TVP23A: variants seen among roughly 807,000 people sequenced by gnomAD.
TVP23A encodes Golgi apparatus membrane protein TVP23 homolog A.
TVP23A carries 21 observed loss-of-function variants against 31.7 expected under a neutral mutation model. That is an observed-to-expected ratio of 0.66 (90% CI 0.47 to 0.95). TVP23A has a LOEUF of 0.95. TVP23A is among the 40% of genes least tolerant of loss of function. The pLI is 0.00. For synonymous variants in TVP23A, 104 were observed against 96.0 expected (o/e 1.08, Z -0.49); for missense variants, 279 against 255.6 (o/e 1.09, Z -0.62).
rs140533612 is a variant in TVP23A at position 10,778,140 on chromosome 16, C to T, written c.90-3044G>A. ...GTTGAAGTCAGGAATTCAAGACCAG[C>T]GTGGCCAACATGGTAAAACTCCGTC... On this transcript the variant is annotated intron_variant, in intron 2 of 7. Transcript: ENST00000299866. 5.9e-3 allele frequency among the ~76,000 whole-genome samples: 901 copies of T among 152,158 alleles called. 7 individuals carry two copies. The highest frequency in any genetic ancestry group is 9.7e-3 in the Non-Finnish European group (661 of 68,010).
downstream of TVP23A, among the ~76,000 whole-genome samples, chr16:10,757,417 T>A (rs1472054806): frequency 6.6e-6 from 1 of 152,058 alleles, no homozygotes; most frequent in Admixed American, 6.6e-5. This position sits in a 1 kb window ranked among gnomAD's most constrained non-coding sequence, Gnocchi z 4.1. Context: ...AATGTGAAAG[T>A]GTTATCAGGG....
chr16:10,768,903 CAG>C lies in TVP23A; in HGVS notation c.*197_*198del. 1 of 687,642 alleles carries C rather than the reference CAG, an allele frequency of 1.5e-6. No individual in the cohort carries two copies. The highest frequency in any genetic ancestry group is 2.6e-6 in the Non-Finnish European group (1 of 391,456). The allele number at this position is 687,642 out of a possible 1,614,324, so 42.6% of individuals were successfully genotyped here. A position where few individuals can be genotyped will look rare whatever the true frequency, so the allele number is the denominator to read the frequency against. The stretch of plus-strand genomic sequence containing the variant: ...GGTATTCCGGTCACTTTCAAAGACT[CAG>C]GGCATCACAGACACAGGTCTTTTTA... On this transcript the variant is annotated 3_prime_UTR_variant, in exon 8 of 8. Coordinates refer to ENST00000299866, the MANE Select transcript of TVP23A (RefSeq NM_001079512.4). The surrounding 1 kb of genome is among the most constrained non-coding windows in gnomAD (Gnocchi z 4.3).
intron 2 of TVP23A, among the ~76,000 whole-genome samples, chr16:10,810,660 G>C (rs1021543595): frequency 6.6e-6 from 1 of 152,120 alleles, no homozygotes; most frequent in African/African-American, 2.4e-5. Flanking sequence ...AAGAAAGGAA[G>C]AGGGAATTTC....
At chr16:10,813,999 CAAAAAA>C (rs201277067) in intron 2 of TVP23A, among the ~76,000 whole-genome samples, 302 of 49,484 alleles carry the variant, frequency 6.1e-3, no homozygotes, top group African/African-American at 0.012. Flanking sequence ...AACTCCATCT[CAAAAAA>C]AAAAAAAAAA....
chr16:10,776,280 C>T (rs1384617303), intron 2 of TVP23A, among the ~76,000 whole-genome samples: 2 of 151,930 alleles, frequency 1.3e-5, no homozygotes, highest in Non-Finnish European at 2.9e-5. Context: ...AAGGCTGAGG[C>T]AGGAGAATCA....
chr16:10,782,529 G>A lies in TVP23A; in HGVS notation c.90-7433C>T, dbSNP rs553072949. On this transcript the variant is annotated intron_variant, in intron 2 of 7. Transcript: ENST00000299866. ...TTGTTTTGTTTGTTTTTAAGACAGG[G>A]TCTCACTCTGTCTCCCAGGCTGGAG... Among the ~76,000 whole-genome samples, 247 of 152,126 alleles carry A rather than the reference G, an allele frequency of 1.6e-3. 1 individual carries two copies. Among genetic ancestry groups the A allele is most frequent in the African/African-American group, 5.8e-3 (239 of 41,476 alleles).
At position 10,818,026 on chromosome 16, in the gene TVP23A, T is replaced by C. The variant is rs2034515428; in HGVS notation, c.89+77A>G. 1.6e-6 allele frequency: 2 copies of C among 1,282,524 alleles called. No homozygotes were observed. Among genetic ancestry groups the C allele is most frequent in the African/African-American group, 1.5e-5 (1 of 67,890 alleles). 79.4% of individuals were successfully genotyped at this position (1,282,524 alleles called of 1,614,324 possible). ...TGGCACACAGTAGGTGCTCAATATA[T>C]TTTGAATGAATGAGTGAGTAAATGA... is the stretch of plus-strand genomic sequence containing the variant. On this transcript the variant is annotated intron_variant, in intron 2 of 7. Coordinates refer to ENST00000299866, the MANE Select transcript of TVP23A (RefSeq NM_001079512.4). This position sits in a 1 kb window ranked among gnomAD's most constrained non-coding sequence, Gnocchi z 4.7.
intron 2 of TVP23A, among the ~76,000 whole-genome samples, chr16:10,784,322 C>CT (rs2032607380): frequency 6.6e-6 from 1 of 150,624 alleles, no homozygotes; most frequent in South Asian, 2.1e-4. Flanking sequence ...GAGCAAGACT[C>CT]TGTCTCAAAA....
chr16:10,767,508 T>A lies in TVP23A; in HGVS notation c.*1594A>T. 1 of 435,970 alleles carries A rather than the reference T, an allele frequency of 2.3e-6. No individual in the cohort carries two copies. Among genetic ancestry groups the A allele is most frequent in the Non-Finnish European group, 4.0e-6 (1 of 248,990 alleles). 27.0% of individuals were successfully genotyped at this position (435,970 alleles called of 1,614,324 possible). A position where few individuals can be genotyped will look rare whatever the true frequency, so the allele number is the denominator to read the frequency against. ...TGCGCACACATGCAAGTGTGCACAT[T>A]TATATGCGCATAATCTTTCTGGAAA... On this transcript the variant is annotated 3_prime_UTR_variant, in exon 8 of 8. Transcript: ENST00000299866. This position sits in a 1 kb window ranked among gnomAD's most constrained non-coding sequence, Gnocchi z 4.6.
intron 2 of TVP23A, among the ~76,000 whole-genome samples, chr16:10,806,342 CAAAAAGAA>C (rs767142523): frequency 1.7e-4 from 25 of 151,436 alleles, no homozygotes; most frequent in Non-Finnish European, 2.8e-4. Context: ...GAGTCTGTCT[CAAAAAGAA>C]AAAAAGAAAA....
rs1391701073 is a variant in TVP23A, at chr16:10,779,264, G to A, written c.90-4168C>T. 6.6e-6 allele frequency among the ~76,000 whole-genome samples: 1 copy of A among 152,200 alleles called. No homozygotes were observed. Among genetic ancestry groups the A allele is most frequent in the Non-Finnish European group, 1.5e-5 (1 of 68,038 alleles). ...AAATGTTGCTTTAATCCTATTTTATGCAGGTTGCTCCATCAGCATCCTCCA... is the reference window on the plus strand; with the variant it reads ...AAATGTTGCTTTAATCCTATTTTATACAGGTTGCTCCATCAGCATCCTCCA... On this transcript the variant is annotated intron_variant, in intron 2 of 7. Transcript: ENST00000299866. The surrounding 1 kb of genome is among the most constrained non-coding windows in gnomAD (Gnocchi z 4.9).
intron 2 of TVP23A, among the ~76,000 whole-genome samples, chr16:10,806,565 A>T (rs923217946): frequency 6.6e-6 from 1 of 152,130 alleles, no homozygotes; most frequent in African/African-American, 2.4e-5. Flanking sequence ...GCAGTGGCAC[A>T]ATCTCAGCTC....
At chr16:10,805,000 T>G (rs1192634807) in intron 2 of TVP23A, among the ~76,000 whole-genome samples, 1 of 152,016 alleles carries the variant, frequency 6.6e-6, no homozygotes, top group Non-Finnish European at 1.5e-5. Flanking sequence ...GGTGTGTTCA[T>G]CTATTCTGAG....
intron 2 of TVP23A, among the ~76,000 whole-genome samples, chr16:10,808,774 C>T (rs189502651): frequency 2.1e-4 from 32 of 152,052 alleles, no homozygotes; most frequent in Middle Eastern, 3.4e-3. Context: ...AAGATCTTAT[C>T]CCCCCACAAC....
chr16:10,774,758 A>C lies in TVP23A; in HGVS notation c.234+194T>G, dbSNP rs543545339. Among the ~76,000 whole-genome samples, 12 of 152,086 alleles carry C rather than the reference A, an allele frequency of 7.9e-5. No homozygotes were observed. In the East Asian group the frequency reaches 2.1e-3, roughly 27 times the overall value. On this transcript the variant is annotated intron_variant, in intron 3 of 7. Transcript: ENST00000299866. ...CCCAAGTAGCTGGGATTACAGGCAC[A>C]CACCACCGCGCCAGGCTAATTTTTG...
chr16:10,801,270 T>A (rs2142997536), intron 2 of TVP23A, among the ~76,000 whole-genome samples: 2 of 152,260 alleles, frequency 1.3e-5, no homozygotes, highest in South Asian at 4.1e-4. Context: ...TATCCTAACA[T>A]CATTTCTGCA....
intron 2 of TVP23A, among the ~76,000 whole-genome samples, chr16:10,810,341 G>A (rs891922552): frequency 3.3e-5 from 5 of 152,022 alleles, no homozygotes; most frequent in Non-Finnish European, 7.4e-5. Context: ...TTGAGCTCTG[G>A]AGCTCAAGAC....
intron 2 of TVP23A, among the ~76,000 whole-genome samples, chr16:10,801,656 A>G (rs951241333): frequency 1.3e-5 from 2 of 152,064 alleles, no homozygotes; most frequent in Non-Finnish European, 2.9e-5. Flanking sequence ...GGGTTTCACT[A>G]TGTTTCCCAG....
downstream of TVP23A, among the ~76,000 whole-genome samples, chr16:10,762,576 G>C (rs915526777): frequency 1.3e-5 from 2 of 152,230 alleles, no homozygotes; most frequent in African/African-American, 2.4e-5. Flanking sequence ...CGTTACTGGG[G>C]CCCTTTAGTG....
Sources: gnomAD v4.1 joint callset for allele counts (sites outside exome capture counted in the v4.1 genomes callset) on GRCh38, gnomAD v4.1.1 for gene constraint, Gnocchi (gnomAD v3.1) non-coding constraint, MANE v1.5 for transcripts, NCBI Gene and HGNC (gene_info 2026-07-23, HGNC 2026-07-21) for gene names.